Variants in GALNT13 observed in about 807,000 individuals in gnomAD.
GALNT13 encodes the protein UDP-GalNAc:polypeptide N-acetylgalactosaminyltransferase 13.
Under a neutral mutation model 64.2 loss-of-function variants are expected in GALNT13, and 28 were observed. That is an observed-to-expected ratio of 0.44 (90% CI 0.32 to 0.60). GALNT13 has a LOEUF of 0.60. Among genes scored for constraint, GALNT13 ranks in the 20% least tolerant of loss-of-function variants. The pLI, the probability that GALNT13 is intolerant of heterozygous loss-of-function variation, is 0.05. For missense variants in GALNT13, 577 were observed against 669.8 expected, an observed-to-expected ratio of 0.86 and a Z score of 1.53; for synonymous variants, 214 against 224.6, an observed-to-expected ratio of 0.95 and a Z score of 0.42.
chr2:153,758,639 C>T, the GALNT13 span, among the ~76,000 whole-genome samples: 1 of 152,258 alleles, frequency 6.6e-6, no homozygotes, highest in Non-Finnish European at 1.5e-5. Context: ...GTCACCCAGG[C>T]TGGAGTGCAA....
intron 3 of GALNT13, among the ~76,000 whole-genome samples, chr2:154,109,275 T>C (rs1304320026): frequency 6.6e-6 from 1 of 152,162 alleles, no homozygotes; most frequent in Non-Finnish European, 1.5e-5. Flanking sequence ...TTGATTTCTT[T>C]TTTAGATAGT....
At chr2:153,654,012 A>G in the GALNT13 span, among the ~76,000 whole-genome samples, 3 of 152,104 alleles carry the variant, frequency 2.0e-5, no homozygotes, top group Non-Finnish European at 4.4e-5. Flanking sequence ...CCACTTGCCC[A>G]TTTGGGACAA....
At chr2:154,102,572 G>A (rs1702403919) in intron 3 of GALNT13, among the ~76,000 whole-genome samples, 1 of 152,112 alleles carries the variant, frequency 6.6e-6, no homozygotes, top group Non-Finnish European at 1.5e-5. Context: ...TGGGTGCAGT[G>A]TACACTGTCT....
chr2:153,251,280 G>A, the GALNT13 span, among the ~76,000 whole-genome samples: 1 of 152,070 alleles, frequency 6.6e-6, no homozygotes, highest in Non-Finnish European at 1.5e-5. Flanking sequence ...AGTAATAATT[G>A]TAATTGATAT....
At chr2:154,317,719 A>G (rs947722706) in intron 9 of GALNT13, among the ~76,000 whole-genome samples, 5 of 152,192 alleles carry the variant, frequency 3.3e-5, no homozygotes, top group African/African-American at 1.2e-4. Context: ...GTTTCTGGAG[A>G]TAATGATATA....
chr2:153,522,156 A>C, the GALNT13 span, among the ~76,000 whole-genome samples: 1 of 152,038 alleles, frequency 6.6e-6, no homozygotes, highest in African/African-American at 2.4e-5. Context: ...AACATGGTGA[A>C]AGCCTGTCTC....
At chr2:154,006,075 GA>G (rs956195188) in intron 3 of GALNT13, among the ~76,000 whole-genome samples, 4 of 152,164 alleles carry the variant, frequency 2.6e-5, no homozygotes, top group African/African-American at 4.8e-5. Context: ...TAATGATAAA[GA>G]GAACTTCTAG....
the GALNT13 span, among the ~76,000 whole-genome samples, chr2:153,483,755 C>A: frequency 3.4e-4 from 52 of 152,150 alleles, no homozygotes; most frequent in Non-Finnish European, 6.6e-4. Flanking sequence ...CATGTATGAA[C>A]CTTGAAGACA....
chr2:153,252,710 A>C, the GALNT13 span, among the ~76,000 whole-genome samples: 1 of 152,192 alleles, frequency 6.6e-6, no homozygotes, highest in Non-Finnish European at 1.5e-5. Flanking sequence ...TTTTCTCAGC[A>C]CCATTTACTA....
intron 3 of GALNT13, among the ~76,000 whole-genome samples, chr2:154,069,689 A>G (rs907915643): frequency 1.3e-5 from 2 of 152,074 alleles, no homozygotes; most frequent in African/African-American, 4.8e-5. Context: ...GAATAGTTAA[A>G]TGACTATGGG....
the GALNT13 span, among the ~76,000 whole-genome samples, chr2:153,504,431 G>A: frequency 5.9e-5 from 9 of 152,274 alleles, no homozygotes; most frequent in East Asian, 1.4e-3. Flanking sequence ...TTGAATAGAA[G>A]CGGTGAAAGT....
chr2:153,696,866 G>C, the GALNT13 span, among the ~76,000 whole-genome samples: 1 of 150,582 alleles, frequency 6.6e-6, no homozygotes, highest in African/African-American at 2.4e-5. Context: ...TCTTTTGATG[G>C]GTTGTAAATG....
At chr2:154,107,105 G>A (rs1028891950) in intron 3 of GALNT13, among the ~76,000 whole-genome samples, 2 of 151,728 alleles carry the variant, frequency 1.3e-5, no homozygotes, top group Admixed American at 6.6e-5. Context: ...CTTTGCCTTC[G>A]ACTTTGAGTG....
chr2:153,257,968 G>A, the GALNT13 span, among the ~76,000 whole-genome samples: 6 of 152,192 alleles, frequency 3.9e-5, no homozygotes, highest in East Asian at 1.9e-4. Context: ...CTGACCTGTG[G>A]TAAGTAAAGA....
the GALNT13 span, among the ~76,000 whole-genome samples, chr2:153,682,364 T>G: frequency 1.3e-5 from 2 of 151,870 alleles, no homozygotes; most frequent in East Asian, 3.9e-4. Context: ...TCCCCTATCA[T>G]GTAACTTTGG....
intron 4 of GALNT13, among the ~76,000 whole-genome samples, chr2:154,170,496 G>T (rs541871853): frequency 6.6e-6 from 1 of 152,114 alleles, no homozygotes; most frequent in Non-Finnish European, 1.5e-5. Flanking sequence ...CTGCTTCCTG[G>T]AATAACTATA....
At chr2:154,193,731 A>G (rs1559016965) in intron 4 of GALNT13, among the ~76,000 whole-genome samples, 1 of 152,170 alleles carries the variant, frequency 6.6e-6, no homozygotes, top group Non-Finnish European at 1.5e-5. Flanking sequence ...TTTGCTTTCT[A>G]ATGTTTATAG....
At chr2:153,068,396 GT>G in the GALNT13 span, among the ~76,000 whole-genome samples, 1 of 152,180 alleles carries the variant, frequency 6.6e-6, no homozygotes, top group African/African-American at 2.4e-5. Flanking sequence ...TTGCTTTGCA[GT>G]TTTGTTCTGT....
At chr2:153,082,910 C>T in the GALNT13 span, among the ~76,000 whole-genome samples, 33 of 151,468 alleles carry the variant, frequency 2.2e-4, no homozygotes, top group African/African-American at 7.8e-4. Flanking sequence ...CTCACTGCAA[C>T]CTCCGCCTCG....
Sources: gnomAD v4.1 joint callset for allele counts (sites outside exome capture counted in the v4.1 genomes callset) on GRCh38, gnomAD v4.1.1 for gene constraint, MANE v1.5 for transcripts, NCBI Gene and HGNC (gene_info 2026-07-23, HGNC 2026-07-21) for gene names.